The following RGS10 variants were observed in gnomAD, a reference collection of about 807,000 sequenced individuals.
RGS10 encodes the protein regulator of G protein signaling 10.
RGS10 carries 11 observed loss-of-function variants against 23.5 expected under a neutral mutation model. The ratio of observed to expected loss-of-function variants is 0.47; its 90% CI spans 0.29 to 0.77. The LOEUF is 0.77. Among genes scored for constraint, RGS10 ranks in the 30% least tolerant of loss-of-function variants. The probability of loss-of-function intolerance (pLI) is 0.08; values close to 1 mark genes in which losing one functional copy is unlikely to be tolerated. For synonymous variants in RGS10, 77 were observed against 83.2 expected (o/e 0.92, Z 0.41); for missense variants, 180 against 226.3 (o/e 0.80, Z 1.31).
Position 119,522,585 on chromosome 10 carries a change from G to A in RGS10, c.255+3447C>T, listed in dbSNP as rs188994414. Among the ~76,000 whole-genome samples the A allele has an allele frequency of 3.7e-3, 562 of 152,226 alleles. 8 individuals are homozygous for A. Among genetic ancestry groups the A allele is most frequent in the Non-Finnish European group, 1.9e-3 (127 of 68,020 alleles). ...ATACAAAAATTAGCTGGGCATGGTG[G>A]CACATGCCTGTAATCCCAGCTACTC... On this transcript the variant is annotated intron_variant, in intron 3 of 4. Transcript: ENST00000369103.
In RGS10 at chr10:119,519,628, T is replaced by C. The variant is rs373064702; in HGVS notation, c.256-3976A>G. On this transcript the variant is annotated intron_variant, in intron 3 of 4. Coordinates refer to ENST00000369103, the MANE Select transcript of RGS10 (RefSeq NM_001005339.2). Reference sequence around the variant, plus strand: ...CAGCTCCTGTCTCCCTGTATCTGTCTCCCAGCTCCTGTCTCCCTGTCTGTC... The same window carrying C: ...CAGCTCCTGTCTCCCTGTATCTGTCCCCCAGCTCCTGTCTCCCTGTCTGTC... Among the ~76,000 whole-genome samples the C allele has an allele frequency of 6.1e-3, 376 of 61,566 alleles. 9 individuals carry two copies. The highest frequency in any genetic ancestry group is 8.9e-3 in the East Asian group (20 of 2,258). The allele number at this position is 61,566 out of a possible 152,430, so 40.4% of individuals were successfully genotyped here.
rs1844156340 is a variant in RGS10 at position 119,517,384 on chromosome 10, A to G, written c.256-1732T>C. Among the ~76,000 whole-genome samples the G allele has an allele frequency of 6.6e-6, 1 of 152,180 alleles. No individual in the cohort carries two copies. Among genetic ancestry groups the G allele is most frequent in the African/African-American group, 2.4e-5 (1 of 41,444 alleles). ...CAGTGACACAGGAGTCTCTCCAGAC[A>G]AGCGTGGCTATCTAAGGGACAGGTC... On this transcript the variant is annotated intron_variant, in intron 3 of 4. Transcript: ENST00000369103. The surrounding 1 kb of genome is among the most constrained non-coding windows in gnomAD (Gnocchi z 5.0).
chr10:119,523,677 G>C (rs2133955080), intron 3 of RGS10, among the ~76,000 whole-genome samples: 1 of 152,282 alleles, frequency 6.6e-6, no homozygotes, highest in South Asian at 2.1e-4. Context: ...AAAAGGAAAA[G>C]AAGTCCTATG....
rs1452114750 is a variant in RGS10, at chr10:119,527,208, G to A, written c.168+98C>T. On this transcript the variant is annotated intron_variant, in intron 2 of 4. Coordinates refer to ENST00000369103, the MANE Select transcript of RGS10 (RefSeq NM_001005339.2). This position sits in a 1 kb window ranked among gnomAD's most constrained non-coding sequence, Gnocchi z 4.2. ...CTCAAGCTGGCATAGAGAGTGCTAC[G>A]CTGACAGACAATGTTGAACTGGCCT... is the stretch of plus-strand genomic sequence containing the variant. The A allele has an allele frequency of 6.2e-6, 5 of 808,624 alleles. No individual in the cohort carries two copies. The highest frequency in any genetic ancestry group is 5.2e-5 in the East Asian group (2 of 38,628). The allele number at this position is 808,624 out of a possible 1,614,324, so 50.1% of individuals were successfully genotyped here. A position where few individuals can be genotyped will look rare whatever the true frequency, so the allele number is the denominator to read the frequency against.
intron 4 of RGS10, among the ~76,000 whole-genome samples, chr10:119,512,836 C>A (rs1026070645): frequency 3.9e-5 from 6 of 152,246 alleles, no homozygotes; most frequent in Non-Finnish European, 8.8e-5. Flanking sequence ...GCGTGAGCGA[C>A]TGAGCCCAGC....
intron 4 of RGS10, among the ~76,000 whole-genome samples, chr10:119,502,390 C>G (rs1843961836): frequency 6.6e-6 from 1 of 152,190 alleles, no homozygotes; most frequent in Non-Finnish European, 1.5e-5. Context: ...TCCCACCTGG[C>G]ACCCAGCCTC....
At chr10:119,515,186 C>A (rs1323343454) in intron 4 of RGS10, among the ~76,000 whole-genome samples, 1 of 152,150 alleles carries the variant, frequency 6.6e-6, no homozygotes, top group Non-Finnish European at 1.5e-5. Context: ...TTACCTTCAG[C>A]AATTATAGGT....
At chr10:119,508,581 A>G (rs1164670156) in intron 4 of RGS10, among the ~76,000 whole-genome samples, 2 of 152,248 alleles carry the variant, frequency 1.3e-5, no homozygotes, top group African/African-American at 2.4e-5. Flanking sequence ...TAAATCTTTC[A>G]TATGGAACAA....
At chr10:119,526,331 TAAAGA>T in intron 2 of RGS10, among the ~76,000 whole-genome samples, 1 of 152,180 alleles carries the variant, frequency 6.6e-6, no homozygotes, top group East Asian at 1.9e-4. Context: ...TTTGACATTG[TAAAGA>T]AGAGTACAAA....
intron 1 of RGS10, among the ~76,000 whole-genome samples, chr10:119,530,680 C>T (rs988609417): frequency 1.3e-5 from 2 of 152,222 alleles, no homozygotes; most frequent in African/African-American, 4.8e-5. Context: ...CAAAACTTAG[C>T]TGGGCATAGT....
At chr10:119,505,576 C>T (rs1357958071) in intron 4 of RGS10, among the ~76,000 whole-genome samples, 3 of 152,102 alleles carry the variant, frequency 2.0e-5, no homozygotes, top group African/African-American at 7.2e-5. Flanking sequence ...CACCTCCTCT[C>T]CAGATCCCAG....
At chr10:119,528,129 C>A (rs2014999) in intron 1 of RGS10, among the ~76,000 whole-genome samples, 48,355 of 151,912 alleles carry the variant, frequency 0.32, 8,272 homozygotes, top group East Asian at 0.58. Flanking sequence ...CTCCTAGATT[C>A]AAGCGATTCT....
chr10:119,518,712 C>T (rs11198988), intron 3 of RGS10, among the ~76,000 whole-genome samples: 47,140 of 147,586 alleles, frequency 0.32, 7,475 homozygotes, highest in Middle Eastern at 0.38. Flanking sequence ...CCCAATCCCT[C>T]TTTTTTTTTT....
intron 4 of RGS10, among the ~76,000 whole-genome samples, chr10:119,501,408 C>G (rs1240790956): frequency 1.3e-5 from 2 of 152,168 alleles, no homozygotes. Context: ...TCCCAACACA[C>G]ATACACTATT....
intron 1 of RGS10, among the ~76,000 whole-genome samples, 179 bp downstream of exon 1, chr10:119,542,411 C>G (rs1844443354): frequency 6.6e-6 from 1 of 152,244 alleles, no homozygotes; most frequent in African/African-American, 2.4e-5. Flanking sequence ...GCTCTGCGCT[C>G]CCGTCGCGGC....
chr10:119,508,779 C>A (rs1454880668), intron 4 of RGS10, among the ~76,000 whole-genome samples: 1 of 152,280 alleles, frequency 6.6e-6, no homozygotes, highest in East Asian at 1.9e-4. Flanking sequence ...TAACAATAAG[C>A]ATGTACTAAT....
intron 4 of RGS10, among the ~76,000 whole-genome samples, chr10:119,507,686 T>C (rs1321404614): frequency 1.3e-5 from 2 of 149,896 alleles, no homozygotes; most frequent in Admixed American, 6.7e-5. Context: ...CCAGGTTCAA[T>C]TGATTCTCCC....
intron 3 of RGS10, among the ~76,000 whole-genome samples, chr10:119,521,867 T>C (rs995889536): frequency 6.6e-6 from 1 of 151,824 alleles, no homozygotes; most frequent in Non-Finnish European, 1.5e-5. Context: ...AGTAGGAGAG[T>C]AGGGAAAAAA....
chr10:119,513,276 A>G (rs781029863), intron 4 of RGS10, among the ~76,000 whole-genome samples: 1 of 152,148 alleles, frequency 6.6e-6, no homozygotes, highest in Non-Finnish European at 1.5e-5. Flanking sequence ...TGGGCAACAT[A>G]GCGAAAGTTC....
Sources: allele counts gnomAD v4.1 joint callset (sites outside exome capture counted in the v4.1 genomes callset), GRCh38; gene constraint gnomAD v4.1.1; non-coding constraint Gnocchi (gnomAD v3.1); transcripts MANE v1.5; gene names NCBI Gene and HGNC (gene_info 2026-07-23, HGNC 2026-07-21).